Variants in PIP5K1B observed in about 807,000 individuals in gnomAD.
The protein encoded by PIP5K1B is phosphatidylinositol-4-phosphate 5-kinase type 1 beta.
Under a neutral mutation model 67.0 loss-of-function variants are expected in PIP5K1B, and 42 were observed. That is an observed-to-expected ratio of 0.63 (90% CI 0.49 to 0.81). PIP5K1B has a LOEUF of 0.81. PIP5K1B is among the 30% of genes least tolerant of loss of function. The pLI is 0.00. For synonymous variants in PIP5K1B, 214 were observed against 231.4 expected (o/e 0.92, Z 0.68); for missense variants, 459 against 646.3 (o/e 0.71, Z 3.14).
intron 14 of PIP5K1B, among the ~76,000 whole-genome samples, chr9:68,953,367 G>T (rs1332817249): frequency 6.7e-6 from 1 of 149,878 alleles, no homozygotes; most frequent in Admixed American, 6.6e-5. Flanking sequence ...TTTTTGTTTT[G>T]CCCTGAATTT....
chr9:68,923,887 G>T (rs1325317110), intron 12 of PIP5K1B, among the ~76,000 whole-genome samples: 1 of 152,002 alleles, frequency 6.6e-6, no homozygotes, highest in Non-Finnish European at 1.5e-5. Context: ...TATCTTTTCT[G>T]ATCACAATGG....
At chr9:68,834,315 GTGA>G (rs1834479736) in intron 4 of PIP5K1B, among the ~76,000 whole-genome samples, 2 of 152,260 alleles carry the variant, frequency 1.3e-5, no homozygotes, top group South Asian at 4.1e-4. Context: ...TGATCACTCT[GTGA>G]TGTCTTCATT....
chr9:68,722,268 C>T (rs1019541026), intron 1 of PIP5K1B, among the ~76,000 whole-genome samples: 4 of 152,044 alleles, frequency 2.6e-5, no homozygotes, highest in African/African-American at 7.2e-5. Flanking sequence ...TGCAGTGGTG[C>T]GATTTTGGCT....
At chr9:68,810,864 C>T (rs6560369) in intron 2 of PIP5K1B, among the ~76,000 whole-genome samples, 145,303 of 152,326 alleles carry the variant, frequency 0.95, 69,443 homozygotes, top group Non-Finnish European at 0.99. Context: ...TTTGATTGCA[C>T]TTACAAATTG....
intron 1 of PIP5K1B, among the ~76,000 whole-genome samples, chr9:68,719,041 C>T (rs928676278): frequency 1.3e-5 from 2 of 152,186 alleles, no homozygotes; most frequent in Admixed American, 6.5e-5. Context: ...AAGAGTTCTA[C>T]TGGTAAAGCA....
At chr9:68,743,316 G>C (rs1829110776) in intron 2 of PIP5K1B, among the ~76,000 whole-genome samples, 1 of 150,762 alleles carries the variant, frequency 6.6e-6, no homozygotes, top group Admixed American at 6.6e-5. Flanking sequence ...CAATCCTCCT[G>C]CCTCAGCCTC....
intron 14 of PIP5K1B, among the ~76,000 whole-genome samples, chr9:68,952,703 C>T (rs1237778575): frequency 2.0e-5 from 3 of 151,780 alleles, no homozygotes; most frequent in African/African-American, 7.3e-5. Flanking sequence ...GAAGGCTTGG[C>T]TCCATTGTCT....
intron 1 of PIP5K1B, among the ~76,000 whole-genome samples, chr9:68,707,201 G>A (rs1182208408): frequency 1.3e-5 from 2 of 152,194 alleles, no homozygotes; most frequent in African/African-American, 4.8e-5. Flanking sequence ...GATGTATGAT[G>A]ACATCTTACC....
At chr9:68,831,686 T>G (rs1834329111) in intron 4 of PIP5K1B, among the ~76,000 whole-genome samples, 1 of 152,104 alleles carries the variant, frequency 6.6e-6, no homozygotes, top group Non-Finnish European at 1.5e-5. Context: ...AATTTAACTT[T>G]TTTTTTTTGA....
intron 1 of PIP5K1B, among the ~76,000 whole-genome samples, chr9:68,708,541 G>GCCCCCCCC (rs35373175): frequency 2.1e-5 from 3 of 145,508 alleles, no homozygotes; most frequent in East Asian, 2.1e-4. Context: ...TTTGTTTGCC[G>GCCCCCCCC]CCCCCCCGCC....
chr9:68,916,906 G>A (rs1288993935), intron 8 of PIP5K1B, among the ~76,000 whole-genome samples: 2 of 151,306 alleles, frequency 1.3e-5, no homozygotes, highest in African/African-American at 4.9e-5. Flanking sequence ...TTGAGAAGAA[G>A]ACCACTAACT....
At chr9:68,924,908 C>T (rs147766082) in intron 12 of PIP5K1B, among the ~76,000 whole-genome samples, 163 of 152,196 alleles carry the variant, frequency 1.1e-3, no homozygotes, top group African/African-American at 3.8e-3. Context: ...ACTGCTAATA[C>T]TTTGATGTAC....
At position 68,970,836 on chromosome 9, in the gene PIP5K1B, G is replaced by A. The variant is rs1457345423; in HGVS notation, c.1503-20304G>A. On this transcript the variant is annotated intron_variant, in intron 14 of 15. Coordinates refer to ENST00000265382, the MANE Select transcript of PIP5K1B (RefSeq NM_003558.4). ...TGCCAGCAGCCACAGTGACTCCAAT[G>A]GAAGCAGCAACTTCAAAATATTATG... Among the ~76,000 whole-genome samples, 4 of 152,130 alleles carry A rather than the reference G, an allele frequency of 2.6e-5. No individual in the cohort carries two copies. In the East Asian group the frequency reaches 7.7e-4, roughly 29 times the overall value.
intron 4 of PIP5K1B, among the ~76,000 whole-genome samples, chr9:68,841,917 G>C (rs916975432): frequency 6.6e-6 from 1 of 152,178 alleles, no homozygotes. Flanking sequence ...TTTAACATAC[G>C]AGAAAACAGA....
chr9:68,964,056 T>C (rs1035324456), intron 14 of PIP5K1B: 1 of 152,236 alleles, frequency 6.6e-6, no homozygotes, highest in African/African-American at 2.4e-5. Context: ...CTGTTATTCA[T>C]ATCAGAAGGA....
intron 1 of PIP5K1B, among the ~76,000 whole-genome samples, chr9:68,726,787 T>C (rs10217316): frequency 0.72 from 109,940 of 152,104 alleles, 40,744 homozygotes; most frequent in African/African-American, 0.9. Context: ...TGCTTCAACT[T>C]TTTATGAACA....
intron 4 of PIP5K1B, among the ~76,000 whole-genome samples, chr9:68,831,727 G>A (rs1360928328): frequency 6.6e-6 from 1 of 152,228 alleles, no homozygotes; most frequent in South Asian, 2.1e-4. Flanking sequence ...CCAGGCTGGA[G>A]TGCAGTGGTG....
At chr9:68,973,205 A>C (rs1829477418) in intron 14 of PIP5K1B, among the ~76,000 whole-genome samples, 1 of 152,220 alleles carries the variant, frequency 6.6e-6, no homozygotes, top group African/African-American at 2.4e-5. Context: ...CATCTGTTGC[A>C]GTGAACTCCA....
At chr9:68,991,012 A>C in intron 14 of PIP5K1B, 128 bp from the exon 15 acceptor site, 2 of 665,750 alleles carry the variant, frequency 3.0e-6, no homozygotes, top group East Asian at 2.6e-5. Context: ...GCATAACCAT[A>C]TTTCCTTCAA....
Sources: gnomAD v4.1 joint callset for allele counts (sites outside exome capture counted in the v4.1 genomes callset) on GRCh38, gnomAD v4.1.1 for gene constraint, MANE v1.5 for transcripts, NCBI Gene and HGNC (gene_info 2026-07-23, HGNC 2026-07-21) for gene names.